The following ARMH3 variants were observed in gnomAD, a reference collection of about 807,000 sequenced individuals.
The protein encoded by ARMH3 is armadillo like helical domain containing 3, also known as armadillo-like helical domain-containing protein 3.
In ARMH3, 60 loss-of-function variants were observed where a neutral mutation model predicts 99.1. The ratio of observed to expected loss-of-function variants is 0.61; its 90% CI spans 0.49 to 0.75. ARMH3 has a LOEUF of 0.75. Among genes scored for constraint, ARMH3 ranks in the 30% least tolerant of loss-of-function variants. ARMH3 has a pLI of 0.00. For missense variants in ARMH3, 679 were observed against 843.1 expected, an observed-to-expected ratio of 0.81 and a Z score of 2.41; for synonymous variants, 285 against 292.8, an observed-to-expected ratio of 0.97 and a Z score of 0.27.
chr10:101,986,698 A>T (rs2135983778), intron 19 of ARMH3, among the ~76,000 whole-genome samples: 1 of 152,348 alleles, frequency 6.6e-6, no homozygotes, highest in Middle Eastern at 3.4e-3. Flanking sequence ...AAGTGAGAGC[A>T]GCAGCCTGGC....
rs566802428 is a variant in ARMH3, at chr10:101,852,287, T to C, written c.1861-2395A>G. 2.6e-5 allele frequency among the ~76,000 whole-genome samples: 4 copies of C among 152,384 alleles called. No homozygotes were observed. The South Asian group carries it at 6.2e-4, about 24-fold the overall frequency. On this transcript the variant is annotated intron_variant, in intron 24 of 25. Coordinates refer to ENST00000370033, the MANE Select transcript of ARMH3 (RefSeq NM_024541.3). ...GCCTCAGGCCGCAGGTAAGGCTGCT[T>C]TGATCACCTGGACTCTCTCCTCTTG...
At chr10:101,854,190 T>C (rs936554328) in intron 24 of ARMH3, among the ~76,000 whole-genome samples, 3 of 152,166 alleles carry the variant, frequency 2.0e-5, no homozygotes, top group African/African-American at 4.8e-5. Flanking sequence ...CCTAGCCTCT[T>C]GTTATGGGAC....
chr10:102,021,737 G>A (rs1241741915), intron 8 of ARMH3, among the ~76,000 whole-genome samples: 2 of 151,862 alleles, frequency 1.3e-5, no homozygotes, highest in African/African-American at 2.4e-5. Flanking sequence ...TAGTAGAGAC[G>A]GGGTTTCACT....
At chr10:101,942,766 T>C (rs1590058695) in intron 22 of ARMH3, among the ~76,000 whole-genome samples, 2 of 151,410 alleles carry the variant, frequency 1.3e-5, no homozygotes, top group Admixed American at 1.3e-4. Flanking sequence ...CTCAGGAGGC[T>C]GAGGCAGGAG....
chr10:101,946,524 G>A (rs1026578872), intron 22 of ARMH3, among the ~76,000 whole-genome samples: 2 of 152,104 alleles, frequency 1.3e-5, no homozygotes, highest in Non-Finnish European at 2.9e-5. Flanking sequence ...TGTACTATGT[G>A]AAATAAAGAA....
At chr10:101,966,657 G>A (rs1845558134) in intron 20 of ARMH3, among the ~76,000 whole-genome samples, 1 of 152,006 alleles carries the variant, frequency 6.6e-6, no homozygotes, top group South Asian at 2.1e-4. Context: ...CTTTTTTGCA[G>A]AGCTGTTCCT....
At chr10:101,869,081 A>T (rs1014410931) in intron 24 of ARMH3, among the ~76,000 whole-genome samples, 19 of 152,060 alleles carry the variant, frequency 1.2e-4, no homozygotes, top group Non-Finnish European at 1.9e-4. Context: ...CAAAAAAAAA[A>T]AAAAAAGAGG....
intron 23 of ARMH3, among the ~76,000 whole-genome samples, chr10:101,923,343 T>C (rs1173751953): frequency 6.6e-6 from 1 of 152,218 alleles, no homozygotes; most frequent in Non-Finnish European, 1.5e-5. Flanking sequence ...CATTTAACAA[T>C]TAATCTACTG....
At chr10:101,988,329 T>C (rs1455045159) in intron 19 of ARMH3, among the ~76,000 whole-genome samples, 3 of 152,240 alleles carry the variant, frequency 2.0e-5, no homozygotes, top group Non-Finnish European at 2.9e-5. Context: ...ACAAAGTAAA[T>C]AGCACATCCT....
intron 8 of ARMH3, among the ~76,000 whole-genome samples, chr10:102,020,375 T>C (rs1056083812): frequency 1.3e-5 from 2 of 151,680 alleles, no homozygotes; most frequent in Non-Finnish European, 2.9e-5. Flanking sequence ...CTACTAAAAA[T>C]ACAAAAATTA....
intron 24 of ARMH3, among the ~76,000 whole-genome samples, chr10:101,864,974 T>C (rs1589927911): frequency 6.6e-6 from 1 of 151,724 alleles, no homozygotes; most frequent in African/African-American, 2.4e-5. Context: ...ATTAAAGCTT[T>C]GGGAGGCCGA....
chr10:102,005,896 G>A (rs763335330), intron 14 of ARMH3, among the ~76,000 whole-genome samples: 4 of 152,206 alleles, frequency 2.6e-5, no homozygotes, highest in Admixed American at 1.3e-4. Context: ...CTCAAAGCCT[G>A]TCCTTTCCAA....
chr10:101,888,983 A>C (rs1298980976), intron 24 of ARMH3, among the ~76,000 whole-genome samples: 1 of 152,166 alleles, frequency 6.6e-6, no homozygotes, highest in Non-Finnish European at 1.5e-5. Context: ...TACTAAGGAA[A>C]ATCTGTCCCA....
chr10:102,028,844 T>C (rs984157811), intron 5 of ARMH3, among the ~76,000 whole-genome samples: 4 of 152,208 alleles, frequency 2.6e-5, no homozygotes, highest in Non-Finnish European at 4.4e-5. Flanking sequence ...TCTATGAATA[T>C]ACTAAAATCC....
chr10:101,866,899 AAAACAAACAAACAAAAAC>A (rs1480451785), intron 24 of ARMH3, among the ~76,000 whole-genome samples: 1 of 152,182 alleles, frequency 6.6e-6, no homozygotes, highest in East Asian at 1.9e-4. Context: ...TCTGTCTGTA[AAAACAAACAAACAAAAAC>A]AAACAAACAA....
intron 24 of ARMH3, among the ~76,000 whole-genome samples, chr10:101,865,230 AAAAC>A (rs985803023): frequency 2.9e-4 from 44 of 151,912 alleles, no homozygotes; most frequent in Admixed American, 3.9e-4. Flanking sequence ...AAAAAAAACA[AAAAC>A]AAACAAACAA....
At chr10:101,914,267 T>C (rs1359261519) in intron 23 of ARMH3, among the ~76,000 whole-genome samples, 1 of 151,584 alleles carries the variant, frequency 6.6e-6, no homozygotes, top group African/African-American at 2.4e-5. Flanking sequence ...GGCAGGAGGA[T>C]CATGAGGTCA....
chr10:101,949,645 G>A (rs1844701663), intron 22 of ARMH3, among the ~76,000 whole-genome samples: 1 of 151,954 alleles, frequency 6.6e-6, no homozygotes. Flanking sequence ...AAACATTTAA[G>A]AAATAAACCA....
chr10:102,051,343 G>A (rs2067700402), intron 1 of ARMH3, among the ~76,000 whole-genome samples: 3 of 142,958 alleles, frequency 2.1e-5, no homozygotes, highest in East Asian at 2.1e-4. Flanking sequence ...TGTGGTGGAG[G>A]GGGTCTGTAA....
Sources: gnomAD v4.1 joint callset for allele counts (sites outside exome capture counted in the v4.1 genomes callset) on GRCh38, gnomAD v4.1.1 for gene constraint, MANE v1.5 for transcripts, NCBI Gene and HGNC (gene_info 2026-07-23, HGNC 2026-07-21) for gene names.